ZNF277: variants seen among roughly 807,000 people sequenced by gnomAD.
ZNF277 encodes zinc finger protein 277.
In ZNF277, 55 loss-of-function variants were observed where a neutral mutation model predicts 60.7. The ratio of observed to expected loss-of-function variants is 0.91; its 90% CI spans 0.73 to 1.13. ZNF277 has a LOEUF of 1.13. Ranked by LOEUF, ZNF277 falls within the 50% of genes most tolerant of loss-of-function variation. The probability of loss-of-function intolerance (pLI) is 0.00; values close to 1 mark genes in which losing one functional copy is unlikely to be tolerated. For synonymous variants in ZNF277, 178 were observed against 179.3 expected, an observed-to-expected ratio of 0.99 and a Z score of 0.06; for missense variants, 510 against 523.0, an observed-to-expected ratio of 0.98 and a Z score of 0.24.
intron 1 of ZNF277, among the ~76,000 whole-genome samples, chr7:112,216,553 C>T (rs559001666): frequency 4.6e-5 from 7 of 152,274 alleles, no homozygotes; most frequent in African/African-American, 1.7e-4. Flanking sequence ...CAGTGATCCG[C>T]CCACCTCAGC....
chr7:112,308,410 G>C (rs1792648572), intron 4 of ZNF277, among the ~76,000 whole-genome samples: 1 of 152,006 alleles, frequency 6.6e-6, no homozygotes. Context: ...GCAGATACTT[G>C]GGAGGCTGAA....
chr7:112,277,892 A>G (rs937047482), intron 1 of ZNF277, among the ~76,000 whole-genome samples: 1 of 152,230 alleles, frequency 6.6e-6, no homozygotes, highest in African/African-American at 2.4e-5. Context: ...TTGCTAAAAC[A>G]TATGTTTGAC....
intron 1 of ZNF277, among the ~76,000 whole-genome samples, chr7:112,223,456 T>G (rs1270060978): frequency 6.6e-6 from 1 of 152,218 alleles, no homozygotes; most frequent in Admixed American, 6.5e-5. Context: ...TGTGTGACTT[T>G]TCCCAGTCTC....
chr7:112,265,350 G>A (rs1006938318), intron 1 of ZNF277, among the ~76,000 whole-genome samples: 24 of 152,220 alleles, frequency 1.6e-4, no homozygotes, highest in Admixed American at 1.3e-3. Flanking sequence ...GAGGAGAAAG[G>A]GGAGAATGGC....
At chr7:112,208,088 A>T (rs958855892) in intron 1 of ZNF277, among the ~76,000 whole-genome samples, 2 of 152,198 alleles carry the variant, frequency 1.3e-5, no homozygotes, top group East Asian at 1.9e-4. Context: ...AACTTATTTT[A>T]AAAAATGGCC....
intron 1 of ZNF277, among the ~76,000 whole-genome samples, chr7:112,243,972 AAAAG>A (rs1791020984): frequency 6.6e-6 from 1 of 152,180 alleles, no homozygotes; most frequent in South Asian, 2.1e-4. Flanking sequence ...TCAGCCATAA[AAAAG>A]AATGCAATCA....
intron 4 of ZNF277, among the ~76,000 whole-genome samples, chr7:112,296,912 A>ATTTATT (rs1563219694): frequency 7.3e-4 from 29 of 39,668 alleles, no homozygotes; most frequent in Non-Finnish European, 1.5e-3. Flanking sequence ...TTATTTATTT[A>ATTTATT]TTTTTTTTTT....
chr7:112,228,300 T>C (rs990289114), intron 1 of ZNF277, among the ~76,000 whole-genome samples: 17 of 152,020 alleles, frequency 1.1e-4, no homozygotes, highest in African/African-American at 3.9e-4. Context: ...TAAAATCACA[T>C]TTTGGGGCTC....
intron 7 of ZNF277, among the ~76,000 whole-genome samples, chr7:112,331,931 C>T: frequency 6.6e-6 from 1 of 152,158 alleles, no homozygotes; most frequent in East Asian, 1.9e-4. Flanking sequence ...GAGGTTTTCA[C>T]CTTTTAGAGG....
At chr7:112,245,572 C>T (rs1015012325) in intron 1 of ZNF277, among the ~76,000 whole-genome samples, 3 of 152,202 alleles carry the variant, frequency 2.0e-5, no homozygotes, top group Non-Finnish European at 4.4e-5. Context: ...AAGGTGTCAG[C>T]AGGATTGGTT....
At chr7:112,289,224 T>C (rs1323555056) in intron 2 of ZNF277, among the ~76,000 whole-genome samples, 4 of 152,216 alleles carry the variant, frequency 2.6e-5, no homozygotes, top group African/African-American at 9.6e-5. Context: ...TTTGGAAAGA[T>C]AGTTTAAGTT....
At chr7:112,233,478 G>A (rs1822394428) in intron 1 of ZNF277, among the ~76,000 whole-genome samples, 1 of 152,120 alleles carries the variant, frequency 6.6e-6, no homozygotes, top group Non-Finnish European at 1.5e-5. Context: ...TAGCATATAA[G>A]TGAATTAGAA....
intron 4 of ZNF277, among the ~76,000 whole-genome samples, chr7:112,299,712 A>G (rs181172051): frequency 2.5e-3 from 377 of 152,322 alleles, no homozygotes; most frequent in Admixed American, 4.9e-3. Flanking sequence ...TGTATAATGT[A>G]TTCAGTGTTT....
intron 11 of ZNF277, among the ~76,000 whole-genome samples, chr7:112,341,685 G>C (rs1242009854): frequency 6.6e-6 from 1 of 152,184 alleles, no homozygotes; most frequent in Non-Finnish European, 1.5e-5. Flanking sequence ...TGGTTCCCAA[G>C]TATCCTTTGC....
chr7:112,308,914 G>T (rs1039748134), intron 4 of ZNF277, among the ~76,000 whole-genome samples: 3 of 152,114 alleles, frequency 2.0e-5, no homozygotes, highest in African/African-American at 7.2e-5. Context: ...TTGTGGGGAA[G>T]TATGATTAGA....
intron 4 of ZNF277, among the ~76,000 whole-genome samples, chr7:112,313,475 G>T (rs147670451): frequency 6.6e-6 from 1 of 151,628 alleles, no homozygotes; most frequent in African/African-American, 2.4e-5. Flanking sequence ...TAATGATGGG[G>T]GTCTCCCTAT....
At chr7:112,248,894 ACTTCT>A (rs1307816868) in intron 1 of ZNF277, among the ~76,000 whole-genome samples, 1 of 151,996 alleles carries the variant, frequency 6.6e-6, no homozygotes, top group Non-Finnish European at 1.5e-5. Context: ...CTCTCCAGGG[ACTTCT>A]CTTCATGGAA....
intron 4 of ZNF277, among the ~76,000 whole-genome samples, chr7:112,304,215 T>G (rs1475319877): frequency 1.3e-5 from 2 of 152,160 alleles, no homozygotes; most frequent in Admixed American, 1.3e-4. Flanking sequence ...TAATAGTTTT[T>G]GTTTTAGTAC....
intron 5 of ZNF277, among the ~76,000 whole-genome samples, chr7:112,325,952 T>G (rs990837050): frequency 2.0e-5 from 3 of 151,724 alleles, no homozygotes; most frequent in African/African-American, 7.3e-5. Flanking sequence ...CTGAACAGAG[T>G]CTTCGAGACT....
Sources: allele counts gnomAD v4.1 joint callset (sites outside exome capture counted in the v4.1 genomes callset), GRCh38; gene constraint gnomAD v4.1.1; transcripts MANE v1.5; gene names NCBI Gene and HGNC (gene_info 2026-07-23, HGNC 2026-07-21).